The following CFAP61 variants were observed in gnomAD, a reference collection of about 807,000 sequenced individuals.
CFAP61 encodes cilia- and flagella-associated protein 61.
Under a neutral mutation model 135.6 loss-of-function variants are expected in CFAP61, and 107 were observed. The ratio of observed to expected loss-of-function variants is 0.79; its 90% CI spans 0.67 to 0.93. CFAP61 has a LOEUF of 0.93. Ranked by LOEUF, CFAP61 falls within the 40% of genes least tolerant of loss-of-function variation. The probability of loss-of-function intolerance (pLI) is 0.00; values close to 1 mark genes in which losing one functional copy is unlikely to be tolerated. For synonymous variants in CFAP61, 575 were observed against 578.5 expected, an observed-to-expected ratio of 0.99 and a Z score of 0.09; for missense variants, 1,507 against 1,556.2, an observed-to-expected ratio of 0.97 and a Z score of 0.53.
intron 8 of CFAP61, among the ~76,000 whole-genome samples, chr20:20,122,696 T>C (rs1336263573): frequency 6.6e-6 from 1 of 152,258 alleles, no homozygotes; most frequent in African/African-American, 2.4e-5. Context: ...TCCATGATTT[T>C]GCAATTGCGA....
chr20:20,293,982 G>T (rs1421267588), intron 24 of CFAP61, among the ~76,000 whole-genome samples: 2 of 152,056 alleles, frequency 1.3e-5, no homozygotes, highest in Non-Finnish European at 2.9e-5. Flanking sequence ...AATCATAAAG[G>T]ACCTCAAAAG....
intron 17 of CFAP61, among the ~76,000 whole-genome samples, chr20:20,219,186 C>T (rs1324256788): frequency 6.6e-6 from 1 of 152,222 alleles, no homozygotes; most frequent in African/African-American, 2.4e-5. Flanking sequence ...CTTACCCACT[C>T]TGTCTAGCTC....
At chr20:20,308,488 G>A (rs1408660560) in intron 25 of CFAP61, among the ~76,000 whole-genome samples, 3 of 152,048 alleles carry the variant, frequency 2.0e-5, no homozygotes, top group Non-Finnish European at 2.9e-5. Flanking sequence ...GGCGGAGCAG[G>A]TAAGCTTTCT....
chr20:20,231,689 G>A (rs925110451), intron 18 of CFAP61, among the ~76,000 whole-genome samples: 1 of 152,204 alleles, frequency 6.6e-6, no homozygotes, highest in African/African-American at 2.4e-5. Context: ...GCCAGCGCAG[G>A]AGCATGCGTG....
chr20:20,169,528 C>A, intron 13 of CFAP61, 68 bp downstream of exon 13: 1 of 1,315,784 alleles, frequency 7.6e-7, no homozygotes, highest in Non-Finnish European at 1.0e-6. Context: ...ACAAGGAACT[C>A]CCTGCTATTA....
At chr20:20,251,213 C>T (rs2050862877) in intron 19 of CFAP61, among the ~76,000 whole-genome samples, 1 of 152,062 alleles carries the variant, frequency 6.6e-6, no homozygotes, top group African/African-American at 2.4e-5. Context: ...CTTCTCATTC[C>T]CATTGAGGCT....
At chr20:20,269,619 G>A (rs1223518477) in intron 21 of CFAP61, among the ~76,000 whole-genome samples, 1 of 152,060 alleles carries the variant, frequency 6.6e-6, no homozygotes, top group East Asian at 1.9e-4. Flanking sequence ...TGATCCTCCC[G>A]CCTTCGCCTC....
At chr20:20,211,175 C>A (rs2047604958) in intron 17 of CFAP61, among the ~76,000 whole-genome samples, 1 of 152,182 alleles carries the variant, frequency 6.6e-6, no homozygotes, top group South Asian at 2.1e-4. Context: ...CATTTGAGTT[C>A]ATCAGAGGCA....
chr20:20,107,651 A>G (rs557909562), intron 8 of CFAP61: 1 of 152,264 alleles, frequency 6.6e-6, no homozygotes, highest in African/African-American at 2.4e-5. Context: ...TTCAGAGACA[A>G]GGTCTCATTT....
chr20:20,175,493 TG>T (rs58925648), intron 13 of CFAP61, among the ~76,000 whole-genome samples: 381 of 2,586 alleles, frequency 0.15, 2 homozygotes, highest in Non-Finnish European at 0.32. Context: ...TTTTTGTTTT[TG>T]TTTTGTTTTG....
intron 26 of CFAP61, among the ~76,000 whole-genome samples, chr20:20,344,244 G>A (rs1160958754): frequency 6.6e-6 from 1 of 152,214 alleles, no homozygotes; most frequent in African/African-American, 2.4e-5. Context: ...CTGTGGGGGA[G>A]TAGCAGAGGG....
intron 16 of CFAP61, among the ~76,000 whole-genome samples, chr20:20,197,970 C>T (rs947102194): frequency 2.0e-5 from 3 of 152,186 alleles, no homozygotes; most frequent in African/African-American, 7.2e-5. Flanking sequence ...TGTGTTAGTA[C>T]ATATACACAT....
At chr20:20,156,662 ATAAC>A (rs1377738111) in intron 9 of CFAP61, among the ~76,000 whole-genome samples, 1 of 152,216 alleles carries the variant, frequency 6.6e-6, no homozygotes, top group Non-Finnish European at 1.5e-5. Flanking sequence ...AACAGCTACT[ATAAC>A]TAATATATAA....
chr20:20,263,343 T>C (rs1413203935), intron 21 of CFAP61, among the ~76,000 whole-genome samples: 1 of 152,254 alleles, frequency 6.6e-6, no homozygotes, highest in Non-Finnish European at 1.5e-5. Context: ...AAGCTTGAGA[T>C]AGTTTAATTA....
intron 13 of CFAP61, among the ~76,000 whole-genome samples, chr20:20,177,333 A>AGTGC (rs140524988): frequency 4.0e-5 from 1 of 24,698 alleles, no homozygotes; most frequent in South Asian, 1.0e-3. Context: ...ACCAACTCAG[A>AGTGC]ATGGCTTCCA....
intron 25 of CFAP61, among the ~76,000 whole-genome samples, chr20:20,337,500 G>GGGTGGATGGATGGATGGATGGATGGATA (rs2058261037): frequency 1.0e-4 from 1 of 9,760 alleles, no homozygotes; most frequent in African/African-American, 2.1e-4. Flanking sequence ...ATAGATGGGT[G>GGGTGGATGGATGGATGGATGGATGGATA]GATGGATAAA....
chr20:20,191,316 C>G (rs371247694), intron 14 of CFAP61, 26 bp from the exon 15 acceptor site: 1 of 1,601,988 alleles, frequency 6.2e-7, no homozygotes, highest in Non-Finnish European at 8.5e-7. Flanking sequence ...TTTTAAGGGT[C>G]TTAAAATATA....
At chr20:20,062,687 C>T (rs1460273216) in intron 2 of CFAP61, among the ~76,000 whole-genome samples, 2 of 152,078 alleles carry the variant, frequency 1.3e-5, no homozygotes, top group Non-Finnish European at 2.9e-5. Context: ...TGAGGTTAAG[C>T]AGGTAATAAA....
chr20:20,105,560 C>T (rs370545675), intron 8 of CFAP61, among the ~76,000 whole-genome samples: 1 of 152,134 alleles, frequency 6.6e-6, no homozygotes, highest in East Asian at 1.9e-4. Flanking sequence ...GCAGCAAAGT[C>T]GGCTTTACTT....
Sources: gnomAD v4.1 joint callset for allele counts (sites outside exome capture counted in the v4.1 genomes callset) on GRCh38, gnomAD v4.1.1 for gene constraint, MANE v1.5 for transcripts, NCBI Gene and HGNC (gene_info 2026-07-23, HGNC 2026-07-21) for gene names.